The following CD300LD variants were observed in gnomAD, a reference collection of about 807,000 sequenced individuals.
CD300LD encodes CD300 molecule like family member d, also known as CMRF35-like molecule 5.
CD300LD carries 18 observed loss-of-function variants against 20.3 expected under a neutral mutation model. The observed-to-expected ratio is 0.89, with a 90% CI of 0.61 to 1.32. The LOEUF (loss-of-function observed/expected upper bound fraction) is 1.32, where lower values mean the gene tolerates loss of function less well. CD300LD is among the 40% of genes most tolerant of loss of function. The pLI is 0.00. For missense variants in CD300LD, 195 were observed against 226.6 expected (o/e 0.86, Z 0.90); for synonymous variants, 104 against 90.1 (o/e 1.15, Z -0.87).
At chr17:74,592,114 C>T in intron 1 of CD300LD, 49 bp downstream of exon 1, 1 of 1,614,122 alleles carries the variant, frequency 6.2e-7, no homozygotes, top group Non-Finnish European at 8.5e-7. Flanking sequence ...TCTCTGTCTC[C>T]AAGCCAGCCG....
At chr17:74,586,949 AG>A (rs1161175505) in intron 2 of CD300LD, among the ~76,000 whole-genome samples, 2 of 152,176 alleles carry the variant, frequency 1.3e-5, no homozygotes, top group Non-Finnish European at 2.9e-5. Context: ...TGGGAGTTCG[AG>A]ACCAGCCTGA....
chr17:74,591,290 A>AATAATAATAATC (rs2030312665), intron 1 of CD300LD, among the ~76,000 whole-genome samples: 2 of 148,716 alleles, frequency 1.3e-5, no homozygotes, highest in Non-Finnish European at 3.0e-5. Flanking sequence ...TAATAATAAT[A>AATAATAATAATC]ATCTATTTTA....
intron 1 of CD300LD, 21 bp from the exon 2 acceptor site, chr17:74,588,870 T>A: frequency 6.4e-7 from 1 of 1,569,244 alleles, no homozygotes; most frequent in Non-Finnish European, 8.7e-7. Context: ...CAAATTCATG[T>A]GTCGTCACCT....
intron 1 of CD300LD, 66 bp downstream of exon 1, chr17:74,592,097 C>G: frequency 6.2e-7 from 1 of 1,613,926 alleles, no homozygotes; most frequent in South Asian, 1.1e-5. Context: ...TTCCTGAGAA[C>G]AGAGCGTCTC....
At chr17:74,588,477 TGA>T in intron 2 of CD300LD, 32 bp downstream of exon 2, 1 of 1,424,276 alleles carries the variant, frequency 7.0e-7, no homozygotes, top group Non-Finnish European at 9.8e-7. Context: ...GAGCAGGACC[TGA>T]GAGACACACA....
chr17:74,581,939 C>G (rs1598126953), intron 3 of CD300LD, among the ~76,000 whole-genome samples: 1 of 152,158 alleles, frequency 6.6e-6, no homozygotes, highest in Admixed American at 6.5e-5. Context: ...CTATGGGGGT[C>G]CCAGCCTGAG....
intron 2 of CD300LD, 31 bp downstream of exon 2, chr17:74,588,480 G>T: frequency 6.9e-7 from 1 of 1,446,906 alleles, no homozygotes; most frequent in Non-Finnish European, 9.6e-7. Flanking sequence ...CAGGACCTGA[G>T]AGACACACAC....
In CD300LD at chr17:74,583,532, TG is replaced by T. The variant is rs543508193; in HGVS notation, c.380-1222del. On this transcript the variant is annotated intron_variant, in intron 2 of 3. Coordinates refer to ENST00000375352, the MANE Select transcript of CD300LD (RefSeq NM_001115152.2). ...TTTCTGTTGTTTACGCCACCCAGTC[TG>T]TGGTATTTTGTTGTGACAGCCTTAG... 6.7e-3 allele frequency among the ~76,000 whole-genome samples: 1,017 copies of T among 152,350 alleles called. 8 individuals are homozygous for T. Among genetic ancestry groups the T allele is most frequent in the African/African-American group, 0.023 (964 of 41,580 alleles).
chr17:74,579,934 G>T lies in CD300LD; in HGVS notation c.*68C>A, dbSNP rs1161963706. The T allele has an allele frequency of 5.6e-6, 5 of 885,522 alleles. No homozygotes were observed. The highest frequency in any genetic ancestry group is 9.2e-6 in the Non-Finnish European group (5 of 546,042). The allele number at this position is 885,522 out of a possible 1,614,324, so 54.9% of individuals were successfully genotyped here. On this transcript the variant is annotated 3_prime_UTR_variant, in exon 4 of 4. Coordinates refer to ENST00000375352, the MANE Select transcript of CD300LD (RefSeq NM_001115152.2). ...GAAAATGTTTTTTCTTCTGTGGGAGGGCCTTTCGCCCTGGACAGGACGTCA... is the reference window on the plus strand; with the variant it reads ...GAAAATGTTTTTTCTTCTGTGGGAGTGCCTTTCGCCCTGGACAGGACGTCA...
chr17:74,582,865 A>G (rs1028749178), intron 2 of CD300LD, among the ~76,000 whole-genome samples: 1 of 152,158 alleles, frequency 6.6e-6, no homozygotes, highest in Non-Finnish European at 1.5e-5. Context: ...CTGTGTGCCA[A>G]TTCCTGCTGG....
rs374553535 is a variant in CD300LD, at chr17:74,588,583, C to G, written c.307G>C (p.Asp103His). The change falls in exon 2 of 4, where the codon GAC (aspartate) becomes CAC (histidine). Residue 103 changes from aspartate to histidine, a missense_variant. Asp to His is a moderately conservative substitution (Grantham distance 81). Coordinates refer to ENST00000375352, the MANE Select transcript of CD300LD (RefSeq NM_001115152.2). ...TMENLKRDDADSYWCGTERPG... is the reference protein window; with the variant it reads ...TMENLKRDDAHSYWCGTERPG... The stretch of plus-strand genomic sequence containing the variant: ...CTCTCAGTCCCACACCAATAACTGT[C>G]AGCATCATCTCTTTTGAGATTCTCC... 6.2e-7 allele frequency: 1 copy of G among 1,614,064 alleles called. No individual in the cohort carries two copies. Among genetic ancestry groups the G allele is most frequent in the Non-Finnish European group, 8.5e-7 (1 of 1,180,024 alleles).
At chr17:74,581,474 G>A (rs2030035576) in intron 3 of CD300LD, among the ~76,000 whole-genome samples, 1 of 152,154 alleles carries the variant, frequency 6.6e-6, no homozygotes, top group Admixed American at 6.5e-5. Context: ...CGACCTCTGG[G>A]GACTCCTCTG....
At chr17:74,585,619 G>A (rs916496986) in intron 2 of CD300LD, among the ~76,000 whole-genome samples, 2 of 152,176 alleles carry the variant, frequency 1.3e-5, no homozygotes, top group East Asian at 3.9e-4. Context: ...GTTTATTCAT[G>A]AACACACCCC....
chr17:74,590,099 G>A (rs573117191), intron 1 of CD300LD, among the ~76,000 whole-genome samples: 3 of 152,334 alleles, frequency 2.0e-5, no homozygotes, highest in African/African-American at 7.2e-5. Context: ...CACCAGTTGG[G>A]AGTTAATTGA....
At position 74,582,308 on chromosome 17, in the gene CD300LD, G is replaced by C; in HGVS notation, c.383C>G (p.Thr128Arg). The C allele has an allele frequency of 1.9e-6, 3 of 1,613,396 alleles. No homozygotes were observed. Among genetic ancestry groups the C allele is most frequent in the Non-Finnish European group, 2.5e-6 (3 of 1,179,436 alleles). The change falls in exon 3 of 4, where the codon ACA becomes AGA. Residue 128 changes from threonine to arginine, a missense_variant. Coordinates refer to ENST00000375352, the MANE Select transcript of CD300LD (RefSeq NM_001115152.2). ...TGTCCATTCTGAGACTGCAGTTTGTGTGCCTAAACATACAAAGCAGAACAC... is the reference window on the plus strand; with the variant it reads ...TGTCCATTCTGAGACTGCAGTTTGTCTGCCTAAACATACAAAGCAGAACAC... The part of the protein sequence containing the change: ...VKVQVTINPG[T>R]QTAVSEWTTT...
intron 2 of CD300LD, among the ~76,000 whole-genome samples, chr17:74,587,375 A>G (rs1382432234): frequency 6.6e-6 from 1 of 152,166 alleles, no homozygotes; most frequent in African/African-American, 2.4e-5. Context: ...GTTGTTTACG[A>G]CACATATTCC....
chr17:74,588,407 G>A, intron 2 of CD300LD, 104 bp downstream of exon 2: 1 of 729,746 alleles, frequency 1.4e-6, no homozygotes, highest in East Asian at 2.5e-5. Context: ...GACACCCTCT[G>A]TCACAGGTCA....
chr17:74,581,700 C>T (rs2030040135), intron 3 of CD300LD, among the ~76,000 whole-genome samples: 1 of 152,230 alleles, frequency 6.6e-6, no homozygotes, highest in Non-Finnish European at 1.5e-5. Context: ...CCACTAAAGG[C>T]CAAACCTCGA....
chr17:74,585,734 G>A (rs997520434), intron 2 of CD300LD, among the ~76,000 whole-genome samples: 2 of 152,172 alleles, frequency 1.3e-5, no homozygotes, highest in African/African-American at 4.8e-5. Context: ...GGTGCTATGC[G>A]CCTTCCACCC....
Sources: gnomAD v4.1 joint callset for allele counts (sites outside exome capture counted in the v4.1 genomes callset) on GRCh38, gnomAD v4.1.1 for gene constraint, MANE v1.5 for transcripts, NCBI Gene and HGNC (gene_info 2026-07-23, HGNC 2026-07-21) for gene names.